Variants in SPATA13 observed in about 807,000 individuals in gnomAD.
SPATA13 encodes spermatogenesis-associated protein 13.
Under a neutral mutation model 104.0 loss-of-function variants are expected in SPATA13, and 50 were observed. The observed-to-expected ratio is 0.48, with a 90% CI of 0.38 to 0.61. SPATA13 has a LOEUF of 0.61. Ranked by LOEUF, SPATA13 falls within the 20% of genes least tolerant of loss-of-function variation. The pLI is 0.00. For missense variants in SPATA13, 1,524 were observed against 1,690.6 expected (o/e 0.90, Z 1.73); for synonymous variants, 606 against 667.5 (o/e 0.91, Z 1.42).
At chr13:24,159,718 A>C (rs1023944083), upstream of SPATA13, among the ~76,000 whole-genome samples, 5 of 152,248 alleles carry the variant, frequency 3.3e-5, no homozygotes, top group Non-Finnish European at 7.3e-5. Flanking sequence ...TATTTTAAAA[A>C]ACATACATAA....
intron 2 of SPATA13, among the ~76,000 whole-genome samples, chr13:24,240,423 A>G (rs937219644): frequency 6.6e-6 from 1 of 152,044 alleles, no homozygotes; most frequent in African/African-American, 2.4e-5. Context: ...GCTAAGGGGG[A>G]AAAACCTATT....
chr13:24,037,142 AG>A (rs1336775112), intron 3 of SPATA13, among the ~76,000 whole-genome samples: 2 of 141,316 alleles, frequency 1.4e-5, no homozygotes. Flanking sequence ...AATTGAAAAC[AG>A]GTTCTTCAAT....
chr13:23,993,114 C>T (rs1415536629), intron 2 of SPATA13, among the ~76,000 whole-genome samples: 1 of 151,966 alleles, frequency 6.6e-6, no homozygotes, highest in Non-Finnish European at 1.5e-5. Context: ...CAGTCTAAGT[C>T]GCTACATAAG....
chr13:24,045,428 C>T, intron 3 of SPATA13, among the ~76,000 whole-genome samples: 1 of 151,742 alleles, frequency 6.6e-6, no homozygotes, highest in East Asian at 1.9e-4. Flanking sequence ...TTTTTTCTCT[C>T]AGTTTAAATT....
chr13:24,064,996 G>A (rs1281829098), intron 3 of SPATA13, among the ~76,000 whole-genome samples: 2 of 151,714 alleles, frequency 1.3e-5, no homozygotes, highest in African/African-American at 4.8e-5. Context: ...GGCCACAGGA[G>A]CCAGGATAAT....
chr13:24,130,207 C>T (rs1881349414), intron 3 of SPATA13, among the ~76,000 whole-genome samples: 1 of 152,180 alleles, frequency 6.6e-6, no homozygotes, highest in African/African-American at 2.4e-5. Flanking sequence ...GTCACAAGCC[C>T]CTGCACCCGG....
chr13:24,177,141 G>T (rs1367510038), intron 1 of SPATA13, among the ~76,000 whole-genome samples: 1 of 152,144 alleles, frequency 6.6e-6, no homozygotes, highest in East Asian at 1.9e-4. Flanking sequence ...TGTCAATTCT[G>T]TTTCTTAATT....
intron 3 of SPATA13, among the ~76,000 whole-genome samples, chr13:24,104,902 C>G (rs1318796743): frequency 1.3e-5 from 2 of 152,198 alleles, no homozygotes; most frequent in Non-Finnish European, 2.9e-5. Context: ...TTTCACACAC[C>G]TGTGCTTTGT....
At chr13:24,197,317 C>T (rs1870113705) in intron 1 of SPATA13, among the ~76,000 whole-genome samples, 1 of 152,160 alleles carries the variant, frequency 6.6e-6, no homozygotes, top group Admixed American at 6.5e-5. Flanking sequence ...GTAAACAGTG[C>T]AATAGTGATT....
intron 2 of SPATA13, among the ~76,000 whole-genome samples, chr13:24,231,962 C>T (rs141966424): frequency 0.012 from 1,844 of 152,306 alleles, 17 homozygotes; most frequent in South Asian, 0.038. Context: ...CTTTGTCATC[C>T]TTTTATTGAG....
chr13:24,008,143 G>T (rs1461895361), intron 2 of SPATA13, among the ~76,000 whole-genome samples: 1 of 152,226 alleles, frequency 6.6e-6, no homozygotes, highest in Admixed American at 6.5e-5. Flanking sequence ...GAGAGCTTGT[G>T]ACCACAGCCA....
At chr13:24,212,438 G>A (rs9511151) in intron 1 of SPATA13, among the ~76,000 whole-genome samples, 36,968 of 151,946 alleles carry the variant, frequency 0.24, 5,591 homozygotes, top group Non-Finnish European at 0.34. Context: ...GCTTCATGTG[G>A]TCCTGAAGTG....
At chr13:24,189,366 C>G (rs111677953) in intron 1 of SPATA13, among the ~76,000 whole-genome samples, 15 of 150,704 alleles carry the variant, frequency 1.0e-4, no homozygotes, top group African/African-American at 3.7e-4. Context: ...GCCAGCAACT[C>G]TGGAGGCTGA....
At chr13:24,079,643 C>T (rs1879445555) in intron 3 of SPATA13, among the ~76,000 whole-genome samples, 2 of 152,132 alleles carry the variant, frequency 1.3e-5, no homozygotes, top group South Asian at 2.1e-4. Context: ...GTATGGGGTC[C>T]AGTTCTTTCC....
chr13:24,123,274 T>C (rs1881100555), intron 3 of SPATA13: 3 of 1,595,470 alleles, frequency 1.9e-6, no homozygotes, highest in Non-Finnish European at 2.6e-6. Context: ...GGCATTTCTC[T>C]ATCATCAATC....
chr13:24,098,047 A>T (rs891118309), intron 3 of SPATA13, among the ~76,000 whole-genome samples: 2 of 152,202 alleles, frequency 1.3e-5, no homozygotes, highest in African/African-American at 2.4e-5. Flanking sequence ...ATTATTTCAC[A>T]TGAAAATGGC....
intron 1 of SPATA13, among the ~76,000 whole-genome samples, chr13:24,218,352 C>G (rs1871372186): frequency 6.6e-6 from 1 of 151,848 alleles, no homozygotes. Context: ...TCTAGCATGA[C>G]CCCCAGGTTC....
intron 4 of SPATA13, among the ~76,000 whole-genome samples, chr13:24,282,740 C>T (rs986593202): frequency 6.6e-6 from 1 of 152,218 alleles, no homozygotes; most frequent in Non-Finnish European, 1.5e-5. Context: ...CAGTAGCACT[C>T]TCTGTGGAGT....
rs7998436 is a variant in SPATA13, at chr13:24,183,063, A to G, written c.-112+22131A>G. 2.6e-3 allele frequency among the ~76,000 whole-genome samples: 403 copies of G among 152,344 alleles called. 1 individual carries two copies. The highest frequency in any genetic ancestry group is 9.5e-3 in the African/African-American group (396 of 41,584). On this transcript the variant is annotated intron_variant, in intron 1 of 12. Transcript: ENST00000382108. ...ATTCACATAACTTGCCAGAAAAGAT[A>G]TAGAGAGATTGCTGCATACCTGGAT...
Sources: gnomAD v4.1 joint callset for allele counts (sites outside exome capture counted in the v4.1 genomes callset) on GRCh38, gnomAD v4.1.1 for gene constraint, MANE v1.5 for transcripts, NCBI Gene and HGNC (gene_info 2026-07-23, HGNC 2026-07-21) for gene names.